The following PTPRT variants were observed in gnomAD, a reference collection of about 807,000 sequenced individuals.
PTPRT encodes the protein receptor-type tyrosine-protein phosphatase T.
A neutral mutation model predicts 176.8 loss-of-function variants in PTPRT; 56 were observed. That is an observed-to-expected ratio of 0.32 (90% CI 0.26 to 0.40). PTPRT has a LOEUF of 0.40. Among genes scored for constraint, PTPRT ranks in the 10% least tolerant of loss-of-function variants. The pLI, the probability that PTPRT is intolerant of heterozygous loss-of-function variation, is 1.00. For missense variants in PTPRT, 1,540 were observed against 1,908.2 expected (o/e 0.81, Z 3.60); for synonymous variants, 783 against 739.0 (o/e 1.06, Z -0.96).
At chr20:42,941,499 T>G (rs887387613) in intron 1 of PTPRT, among the ~76,000 whole-genome samples, 3 of 152,158 alleles carry the variant, frequency 2.0e-5, no homozygotes, top group Non-Finnish European at 2.9e-5. Context: ...ATTCAATGGG[T>G]CATAAAGTCC....
At chr20:42,197,474 C>T (rs1429425771) in intron 16 of PTPRT, among the ~76,000 whole-genome samples, 1 of 143,342 alleles carries the variant, frequency 7.0e-6, no homozygotes, top group Non-Finnish European at 1.5e-5. Context: ...CAGCTGAAAA[C>T]CAAATACAAT....
intron 1 of PTPRT, among the ~76,000 whole-genome samples, chr20:43,133,850 CAG>C (rs1491538494): frequency 6.6e-6 from 1 of 152,034 alleles, no homozygotes; most frequent in East Asian, 1.9e-4. Context: ...CTCCCACTCA[CAG>C]AGTTTCTGAT....
intron 13 of PTPRT, among the ~76,000 whole-genome samples, chr20:42,265,158 T>C: frequency 6.6e-6 from 1 of 152,200 alleles, no homozygotes; most frequent in South Asian, 2.1e-4. Flanking sequence ...GCCTCTCAGA[T>C]AGTAAATTAT....
At chr20:42,598,124 G>A (rs941143906) in intron 7 of PTPRT, among the ~76,000 whole-genome samples, 7 of 151,646 alleles carry the variant, frequency 4.6e-5, no homozygotes, top group Admixed American at 2.6e-4. Context: ...ATGGCCTATC[G>A]TATAGCTGTT....
At chr20:42,578,619 C>T (rs2073307920) in intron 7 of PTPRT, among the ~76,000 whole-genome samples, 1 of 152,184 alleles carries the variant, frequency 6.6e-6, no homozygotes, top group Non-Finnish European at 1.5e-5. Context: ...TTCTCACTTC[C>T]ACTACCAATC....
intron 16 of PTPRT, among the ~76,000 whole-genome samples, chr20:42,169,743 A>AAAACACACAC (rs1989991485): frequency 9.6e-6 from 1 of 104,596 alleles, no homozygotes; most frequent in South Asian, 3.4e-4. Flanking sequence ...ACAATTTTCA[A>AAAACACACAC]ACACACACAC....
intron 9 of PTPRT, among the ~76,000 whole-genome samples, chr20:42,422,789 C>A (rs941545536): frequency 1.3e-5 from 2 of 152,134 alleles, no homozygotes; most frequent in African/African-American, 4.8e-5. Flanking sequence ...CCAACAGAAT[C>A]AACCTAAATG....
intron 17 of PTPRT, among the ~76,000 whole-genome samples, chr20:42,154,286 G>T (rs906640455): frequency 1.3e-4 from 20 of 152,282 alleles, no homozygotes; most frequent in African/African-American, 4.8e-4. Context: ...GAGAAGCAGA[G>T]GTGTCCTCAG....
chr20:42,654,021 G>C (rs1235716822), intron 7 of PTPRT, among the ~76,000 whole-genome samples: 1 of 152,118 alleles, frequency 6.6e-6, no homozygotes, highest in East Asian at 1.9e-4. Flanking sequence ...GTAAAATAAG[G>C]AAAAAGGGCG....
intron 29 of PTPRT, among the ~76,000 whole-genome samples, chr20:42,084,382 G>A (rs1386806664): frequency 6.6e-6 from 1 of 152,138 alleles, no homozygotes; most frequent in Non-Finnish European, 1.5e-5. Flanking sequence ...TGCTCTTTTT[G>A]TCCTATGATC....
chr20:42,781,594 A>G (rs1161286018), intron 3 of PTPRT, among the ~76,000 whole-genome samples: 2 of 152,024 alleles, frequency 1.3e-5, no homozygotes, highest in Admixed American at 1.3e-4. Context: ...AGCTTCTCCT[A>G]TTCTTTAAAA....
intron 9 of PTPRT, among the ~76,000 whole-genome samples, chr20:42,439,178 G>A (rs2059289908): frequency 6.6e-6 from 1 of 152,164 alleles, no homozygotes; most frequent in Non-Finnish European, 1.5e-5. Flanking sequence ...CTGTGGACTA[G>A]AACAAATGGC....
At chr20:42,147,626 C>T (rs1006169982) in intron 17 of PTPRT, among the ~76,000 whole-genome samples, 3 of 152,212 alleles carry the variant, frequency 2.0e-5, no homozygotes, top group African/African-American at 7.2e-5. Context: ...TCAACAAACA[C>T]CATGCCTTCC....
At chr20:43,091,738 G>A (rs536572638) in intron 1 of PTPRT, among the ~76,000 whole-genome samples, 6 of 152,224 alleles carry the variant, frequency 3.9e-5, no homozygotes, top group South Asian at 2.1e-4. Context: ...TTCCAGGACC[G>A]CAAGAAGAGC....
intron 1 of PTPRT, among the ~76,000 whole-genome samples, chr20:42,948,615 CA>C (rs140785965): frequency 6.7e-6 from 1 of 150,188 alleles, no homozygotes; most frequent in Non-Finnish European, 1.5e-5. Context: ...CCAGCTCACA[CA>C]AAAAAAAATG....
At chr20:42,746,813 G>T (rs2076697645) in intron 6 of PTPRT, among the ~76,000 whole-genome samples, 1 of 152,110 alleles carries the variant, frequency 6.6e-6, no homozygotes, top group Non-Finnish European at 1.5e-5. Flanking sequence ...ATGAGAGGAG[G>T]AGGTAAGCTA....
At chr20:43,135,136 G>C (rs1260811243) in intron 1 of PTPRT, among the ~76,000 whole-genome samples, 2 of 152,176 alleles carry the variant, frequency 1.3e-5, no homozygotes, top group Non-Finnish European at 2.9e-5. Flanking sequence ...GGGGTTTTTT[G>C]TGTTTTAAAA....
chr20:42,833,569 C>T lies in PTPRT; in HGVS notation c.215-42103G>A, dbSNP rs145466461. Among the ~76,000 whole-genome samples the T allele has an allele frequency of 1.1e-4, 17 of 151,342 alleles. No individual in the cohort carries two copies. In the East Asian group the frequency reaches 2.1e-3, roughly 19 times the overall value. On this transcript the variant is annotated intron_variant, in intron 2 of 30. Transcript: ENST00000373187. Reference sequence around the variant, plus strand: ...CTGCACTCCACACTAGATGACAAAGCGAGGCCCCATCTCATTTAAGGAAAA... The same window carrying T: ...CTGCACTCCACACTAGATGACAAAGTGAGGCCCCATCTCATTTAAGGAAAA...
intron 16 of PTPRT, among the ~76,000 whole-genome samples, chr20:42,164,557 C>T (rs888432590): frequency 1.3e-5 from 2 of 152,172 alleles, no homozygotes; most frequent in African/African-American, 4.8e-5. Flanking sequence ...CTTACCTCAC[C>T]TATTCCCTTA....
Sources: gnomAD v4.1 joint callset for allele counts (sites outside exome capture counted in the v4.1 genomes callset) on GRCh38, gnomAD v4.1.1 for gene constraint, MANE v1.5 for transcripts, NCBI Gene and HGNC (gene_info 2026-07-23, HGNC 2026-07-21) for gene names.